The following PRKAR1A variants were observed in gnomAD, a reference collection of about 807,000 sequenced individuals.
PRKAR1A encodes protein kinase cAMP-dependent type I regulatory subunit alpha.
In PRKAR1A, 3 loss-of-function variants were observed where a neutral mutation model predicts 52.0. That is an observed-to-expected ratio of 0.06 (90% confidence interval 0.03 to 0.15). The LOEUF (loss-of-function observed/expected upper bound fraction) is 0.15. PRKAR1A is among the 10% of genes least tolerant of loss of function. The pLI, the probability that PRKAR1A is intolerant of heterozygous loss-of-function variation, is 1.00. For missense variants in PRKAR1A, 240 were observed against 477.4 expected, an observed-to-expected ratio of 0.50 and a Z score of 4.63; for synonymous variants, 188 against 168.4, an observed-to-expected ratio of 1.12 and a Z score of -0.90.
At chr17:68,453,463 CT>C in the PRKAR1A span, among the ~76,000 whole-genome samples, 1 of 149,884 alleles carries the variant, frequency 6.7e-6, no homozygotes, top group African/African-American at 2.5e-5. Flanking sequence ...AAGAAACATG[CT>C]TTGCTTTTCT....
chr17:68,437,008 A>G, the PRKAR1A span, among the ~76,000 whole-genome samples: 3 of 83,026 alleles, frequency 3.6e-5, no homozygotes, highest in African/African-American at 1.4e-4. Context: ...AAAAAAAAAT[A>G]TATATATATG....
At chr17:68,534,020 C>T (rs1277962791), downstream of PRKAR1A, among the ~76,000 whole-genome samples, 3 of 152,116 alleles carry the variant, frequency 2.0e-5, no homozygotes, top group Admixed American at 2.0e-4. Flanking sequence ...CCAGCGTGCC[C>T]GTCTCCCAAA....
the PRKAR1A span, among the ~76,000 whole-genome samples, chr17:68,470,095 T>C: frequency 6.6e-6 from 1 of 151,854 alleles, no homozygotes; most frequent in African/African-American, 2.4e-5. Context: ...TTTTTTTTTT[T>C]TTTTTGAGAC....
At chr17:68,460,400 G>C in the PRKAR1A span, among the ~76,000 whole-genome samples, 7 of 152,200 alleles carry the variant, frequency 4.6e-5, no homozygotes, top group African/African-American at 1.7e-4. Flanking sequence ...CAGGTATTCA[G>C]GAAGTTGTAT....
chr17:68,460,566 G>T, the PRKAR1A span, among the ~76,000 whole-genome samples: 2 of 152,114 alleles, frequency 1.3e-5, no homozygotes, highest in Admixed American at 6.5e-5. Context: ...CCAGGCTAAT[G>T]GTCCATTATG....
Position 68,532,264 on chromosome 17 carries a change from A to T in PRKAR1A, c.*1815A>T. 1 of 1,044,834 alleles carries T rather than the reference A, an allele frequency of 9.6e-7. No individual in the cohort carries two copies. Among genetic ancestry groups the T allele is most frequent in the East Asian group, 5.0e-5 (1 of 19,804 alleles). 64.7% of individuals were successfully genotyped at this position (1,044,834 alleles called of 1,614,324 possible). A position where few individuals can be genotyped will look rare whatever the true frequency, so the allele number is the denominator to read the frequency against. On this transcript the variant is annotated 3_prime_UTR_variant, in exon 11 of 11. Transcript: ENST00000589228. ...TTAAAGCTTGATTTGATCTTTGTTT[A>T]AATGCCAAAATGTACTTAAATGAGT...
intron 10 of PRKAR1A, 120 bp from the exon 11 acceptor site, chr17:68,530,157 T>C: frequency 6.7e-7 from 1 of 1,496,386 alleles, no homozygotes; most frequent in South Asian, 1.1e-5. Flanking sequence ...TTTTGATCTT[T>C]ACTCATTTAA....
chr17:68,426,254 G>GGGGGGGGGGGGGGGGGGGGGGGT, the PRKAR1A span: 1 of 816,924 alleles, frequency 1.2e-6, no homozygotes, highest in Non-Finnish European at 1.9e-6. Flanking sequence ...GGGAGCGGGG[G>GGGGGGGGGGGGGGGGGGGGGGGT]CTCAAATAAA....
chr17:68,418,617 G>A, the PRKAR1A span, among the ~76,000 whole-genome samples: 1 of 152,196 alleles, frequency 6.6e-6, no homozygotes, highest in African/African-American at 2.4e-5. Context: ...GTATGGCTTT[G>A]CCCCTATAGA....
chr17:68,532,929 A>G lies in PRKAR1A; in HGVS notation c.*2480A>G. The stretch of plus-strand genomic sequence containing the variant: ...ATTTTCAGTGCTTTTCAGTTTGTCA[A>G]AGAGTGGATCTCAAAATCTTGCTTA... On this transcript the variant is annotated 3_prime_UTR_variant, in exon 11 of 11. Coordinates refer to ENST00000589228, the MANE Select transcript of PRKAR1A (RefSeq NM_002734.5). 3 of 1,065,978 alleles carry G rather than the reference A, an allele frequency of 2.8e-6. No individual in the cohort carries two copies. The highest frequency in any genetic ancestry group is 3.4e-6 in the Non-Finnish European group (3 of 879,714). 66.0% of individuals were successfully genotyped at this position (1,065,978 alleles called of 1,614,324 possible). A position where few individuals can be genotyped will look rare whatever the true frequency, so the allele number is the denominator to read the frequency against.
chr17:68,426,254 G>C, the PRKAR1A span: 9 of 816,896 alleles, frequency 1.1e-5, 1 homozygote, highest in East Asian at 3.5e-5. Flanking sequence ...GGGAGCGGGG[G>C]CTCAAATAAA....
the PRKAR1A span, among the ~76,000 whole-genome samples, chr17:68,481,130 T>G: frequency 6.6e-6 from 1 of 152,226 alleles, no homozygotes; most frequent in African/African-American, 2.4e-5. Flanking sequence ...TTTGCCTGTT[T>G]GCCTGTGGCA....
At chr17:68,471,591 GTC>G in the PRKAR1A span, among the ~76,000 whole-genome samples, 753 of 151,952 alleles carry the variant, frequency 5.0e-3, 10 homozygotes, top group African/African-American at 0.018. Context: ...TTTCCGTTCC[GTC>G]TCTCTCTCTG....
At chr17:68,474,920 C>T in the PRKAR1A span, among the ~76,000 whole-genome samples, 1 of 152,122 alleles carries the variant, frequency 6.6e-6, no homozygotes, top group East Asian at 1.9e-4. Context: ...TCAAAATGCC[C>T]AAGTTTTCCT....
intron 2 of PRKAR1A, 72 bp from the exon 3 acceptor site, chr17:68,522,684 A>G (rs574527638): frequency 8.7e-6 from 13 of 1,493,764 alleles, no homozygotes; most frequent in African/African-American, 2.7e-5. Context: ...GAGATAGACT[A>G]TCATTGGAAC....
chr17:68,480,240 G>A, the PRKAR1A span, among the ~76,000 whole-genome samples: 6 of 151,948 alleles, frequency 3.9e-5, no homozygotes, highest in African/African-American at 1.5e-4. Context: ...AGTATTTTTG[G>A]ACTGTTTTAT....
rs376375756 is a variant in PRKAR1A at position 68,539,419 on chromosome 17, A to T, written c.973+9418A>T. 3.7e-6 allele frequency: 6 copies of T among 1,612,198 alleles called. No homozygotes were observed. In the South Asian group the frequency reaches 6.6e-5, roughly 18 times the overall value. On this transcript the variant is annotated intron_variant, in intron 11 of 11. Coordinates refer to the PRKAR1A transcript ENST00000585981. ...AACCTAGGAGGAGAAACAGGCTTTT[A>T]TGGGTGGCCGGCAGCATCCTTTGCA...
chr17:68,538,817 A>C (rs1030849418), intron 11 of PRKAR1A, among the ~76,000 whole-genome samples: 1 of 152,270 alleles, frequency 6.6e-6, no homozygotes, highest in African/African-American at 2.4e-5. Flanking sequence ...ATCCTAATTC[A>C]TCCTATGTGG....
chr17:68,533,055 C>A lies in PRKAR1A; in HGVS notation c.*2606C>A, dbSNP rs774257696. The A allele has an allele frequency of 2.9e-4, 310 of 1,065,630 alleles. 1 individual carries two copies. Among genetic ancestry groups the A allele is most frequent in the Non-Finnish European group, 3.4e-4 (300 of 879,610 alleles). The allele number at this position is 1,065,630 out of a possible 1,614,324, so 66.0% of individuals were successfully genotyped here. A position where few individuals can be genotyped will look rare whatever the true frequency, so the allele number is the denominator to read the frequency against. On this transcript the variant is annotated 3_prime_UTR_variant, in exon 11 of 11. Coordinates refer to ENST00000589228, the MANE Select transcript of PRKAR1A (RefSeq NM_002734.5). ...CCTTTTGATTGAAGACAGATTGGTTCTGTGGCCTTGGAACTTTCCCAGACT... is the reference window on the plus strand; with the variant it reads ...CCTTTTGATTGAAGACAGATTGGTTATGTGGCCTTGGAACTTTCCCAGACT...
Sources: allele counts gnomAD v4.1 joint callset (sites outside exome capture counted in the v4.1 genomes callset), GRCh38; gene constraint gnomAD v4.1.1; transcripts MANE v1.5; gene names NCBI Gene and HGNC (gene_info 2026-07-23, HGNC 2026-07-21).